The following NRXN3 variants were observed in gnomAD, a reference collection of about 807,000 sequenced individuals.
NRXN3 encodes neurexin 3.
Under a neutral mutation model 137.6 loss-of-function variants are expected in NRXN3, and 32 were observed. That is an observed-to-expected ratio of 0.23 (90% CI 0.18 to 0.31). The LOEUF (loss-of-function observed/expected upper bound fraction) is 0.31, where lower values mean the gene tolerates loss of function less well. NRXN3 is among the 10% of genes least tolerant of loss of function. The probability of loss-of-function intolerance (pLI) is 1.00; values close to 1 mark genes in which losing one functional copy is unlikely to be tolerated. For synonymous variants in NRXN3, 798 were observed against 784.5 expected (o/e 1.02, Z -0.29); for missense variants, 1,574 against 2,062.5 (o/e 0.76, Z 4.59).
chr14:79,661,810 C>T (rs221441), intron 16 of NRXN3: 2 of 151,930 alleles, frequency 1.3e-5, no homozygotes, highest in African/African-American at 4.8e-5. Flanking sequence ...TAGAAGATAA[C>T]AAAGGATCGT....
intron 15 of NRXN3, among the ~76,000 whole-genome samples, chr14:79,134,082 T>C (rs1456554640): frequency 6.6e-6 from 1 of 152,198 alleles, no homozygotes; most frequent in Non-Finnish European, 1.5e-5. Context: ...TATGACATTT[T>C]CCTCTCACCC....
chr14:78,559,727 T>C (rs1361673163), intron 4 of NRXN3, among the ~76,000 whole-genome samples: 1 of 152,222 alleles, frequency 6.6e-6, no homozygotes, highest in Non-Finnish European at 1.5e-5. Flanking sequence ...GTAAAGTTCT[T>C]CTGCAAGTTT....
intron 10 of NRXN3, among the ~76,000 whole-genome samples, chr14:78,904,652 G>T (rs978390637): frequency 1.8e-4 from 28 of 151,968 alleles, no homozygotes; most frequent in African/African-American, 6.8e-4. Context: ...TGAATGATTT[G>T]CTGACCGTTC....
At chr14:78,429,146 G>A (rs917540029) in intron 4 of NRXN3, among the ~76,000 whole-genome samples, 6 of 151,810 alleles carry the variant, frequency 4.0e-5, no homozygotes, top group African/African-American at 1.5e-4. Context: ...CATAATCTTG[G>A]CTCACTGCAA....
chr14:79,510,976 G>A (rs1373525412), intron 16 of NRXN3, among the ~76,000 whole-genome samples: 3 of 152,158 alleles, frequency 2.0e-5, no homozygotes, highest in African/African-American at 7.2e-5. Flanking sequence ...AGTGTCTGAT[G>A]CACTCAATCT....
At chr14:79,541,464 T>C (rs2097271952) in intron 16 of NRXN3, among the ~76,000 whole-genome samples, 1 of 152,204 alleles carries the variant, frequency 6.6e-6, no homozygotes, top group African/African-American at 2.4e-5. Flanking sequence ...GATGATCTCA[T>C]CTAGACAGCC....
chr14:78,466,152 A>G (rs1050017982), intron 4 of NRXN3, among the ~76,000 whole-genome samples: 1 of 152,160 alleles, frequency 6.6e-6, no homozygotes, highest in African/African-American at 2.4e-5. Flanking sequence ...CTCACTTTCA[A>G]TGAGGAAGTG....
rs1567013823 is a variant in NRXN3, at chr14:78,225,985, GTGT to G, written c.-703-16405_-703-16403del. ...TGTGTGTGTGTGTTGGTGTGTGTGT[GTGT>G]GTGTGTGTGTGTGTGTGTGTGTGTG... On this transcript the variant is annotated intron_variant, in intron 1 of 20. Transcript: ENST00000335750. Among the ~76,000 whole-genome samples the G allele has an allele frequency of 7.5e-3, 861 of 114,876 alleles. 8 individuals are homozygous for G. The highest frequency in any genetic ancestry group is 0.023 in the African/African-American group (813 of 35,196). The allele number at this position is 114,876 out of a possible 152,430, so 75.4% of individuals were successfully genotyped here.
intron 4 of NRXN3, among the ~76,000 whole-genome samples, chr14:78,418,959 A>G (rs758375691): frequency 6.6e-5 from 10 of 152,214 alleles, no homozygotes; most frequent in Non-Finnish European, 1.3e-4. Context: ...AGTTGTCACT[A>G]TATTACCTCC....
At chr14:78,939,047 G>A (rs1242578951) in intron 10 of NRXN3, among the ~76,000 whole-genome samples, 1 of 151,490 alleles carries the variant, frequency 6.6e-6, no homozygotes, top group Non-Finnish European at 1.5e-5. Flanking sequence ...GGGTTTCACC[G>A]TGTTAGCCAG....
intron 15 of NRXN3, among the ~76,000 whole-genome samples, chr14:79,425,149 C>G (rs2095636757): frequency 6.6e-6 from 1 of 152,028 alleles, no homozygotes; most frequent in Non-Finnish European, 1.5e-5. Flanking sequence ...TTTAACTCCC[C>G]TATGATCGAT....
intron 6 of NRXN3, among the ~76,000 whole-genome samples, chr14:78,674,486 T>C (rs567060409): frequency 1.3e-5 from 2 of 152,306 alleles, no homozygotes; most frequent in East Asian, 3.9e-4. Flanking sequence ...GAATCATTGG[T>C]GCTCATAAGG....
intron 15 of NRXN3, among the ~76,000 whole-genome samples, chr14:79,158,860 G>A (rs994882783): frequency 1.3e-5 from 2 of 151,698 alleles, no homozygotes; most frequent in Non-Finnish European, 2.9e-5. Flanking sequence ...CTTTAAAGAG[G>A]TTTTAAGATT....
At chr14:79,684,473 G>A (rs1259691056) in intron 17 of NRXN3, among the ~76,000 whole-genome samples, 4 of 152,142 alleles carry the variant, frequency 2.6e-5, no homozygotes. Flanking sequence ...AGGCAAGGGG[G>A]TTCAAGGATG....
In NRXN3 at chr14:79,216,285, A is replaced by C. The variant is rs544644004; in HGVS notation, c.3262+228144A>C. On this transcript the variant is annotated intron_variant, in intron 15 of 20. Coordinates refer to ENST00000335750, the MANE Select transcript of NRXN3 (RefSeq NM_001330195.2). ...CTTCTGAGAGAGAAGTCCTGAGAGG[A>C]AGTATCTGGAAAGGGAGCCTTCCAA... Among the ~76,000 whole-genome samples, 3 of 152,244 alleles carry C rather than the reference A, an allele frequency of 2.0e-5. No individual in the cohort carries two copies. The South Asian group carries it at 6.2e-4, about 32-fold the overall frequency.
intron 4 of NRXN3, among the ~76,000 whole-genome samples, chr14:78,409,796 G>T (rs1450229214): frequency 6.6e-6 from 1 of 152,082 alleles, no homozygotes; most frequent in African/African-American, 2.4e-5. Context: ...TTCAGTTATG[G>T]TACTCTATCA....
At chr14:79,565,166 A>T in intron 16 of NRXN3, among the ~76,000 whole-genome samples, 1 of 151,004 alleles carries the variant, frequency 6.6e-6, no homozygotes, top group Non-Finnish European at 1.5e-5. Flanking sequence ...TGGTTGTGTA[A>T]GTGCTATAAG....
Position 78,840,652 on chromosome 14 carries a change from G to A in NRXN3, c.2275+30308G>A, listed in dbSNP as rs760728130. Among the ~76,000 whole-genome samples, 21 of 152,044 alleles carry A rather than the reference G, an allele frequency of 1.4e-4. No homozygotes were observed. In the East Asian group the frequency reaches 1.5e-3, roughly 11 times the overall value. On this transcript the variant is annotated intron_variant, in intron 10 of 20. Transcript: ENST00000335750. The stretch of plus-strand genomic sequence containing the variant: ...GCCTTTACTATCCAGAATGTTGCTC[G>A]TCACCCTGGAAGCAGGAAGGAAATC...
At chr14:79,701,434 G>A (rs2098754211) in intron 19 of NRXN3, among the ~76,000 whole-genome samples, 1 of 152,030 alleles carries the variant, frequency 6.6e-6, no homozygotes, top group South Asian at 2.1e-4. Flanking sequence ...TTGCCTGGAG[G>A]GTCTGGCTTT....
Sources: gnomAD v4.1 joint callset for allele counts (sites outside exome capture counted in the v4.1 genomes callset) on GRCh38, gnomAD v4.1.1 for gene constraint, MANE v1.5 for transcripts, NCBI Gene and HGNC (gene_info 2026-07-23, HGNC 2026-07-21) for gene names.